PLK5: variants seen among roughly 807,000 people sequenced by gnomAD.
The protein encoded by PLK5 is inactive serine/threonine-protein kinase PLK5.
Under a neutral mutation model 33.7 loss-of-function variants are expected in PLK5, and 28 were observed. The observed-to-expected ratio is 0.83, with a 90% CI of 0.62 to 1.14. The LOEUF (loss-of-function observed/expected upper bound fraction) is 1.14, where lower values mean the gene tolerates loss of function less well. Among genes scored for constraint, PLK5 ranks in the 50% most tolerant of loss-of-function variants. The pLI is 0.00. For synonymous variants in PLK5, 225 were observed against 202.2 expected, an observed-to-expected ratio of 1.11 and a Z score of -0.96; for missense variants, 492 against 461.5, an observed-to-expected ratio of 1.07 and a Z score of -0.61.
intron 13 of PLK5, among the ~76,000 whole-genome samples, chr19:1,534,795 T>C (rs1477834069): frequency 6.7e-6 from 1 of 148,284 alleles, no homozygotes; most frequent in Non-Finnish European, 1.5e-5. Context: ...CCAGCCTGGG[T>C]GACAGAGCAG....
intron 13 of PLK5, among the ~76,000 whole-genome samples, chr19:1,534,371 G>A (rs1254724002): frequency 1.3e-5 from 2 of 151,402 alleles, no homozygotes; most frequent in African/African-American, 4.9e-5. Flanking sequence ...GCTGGGCGTG[G>A]TGGAGCCTTC....
At position 1,528,860 on chromosome 19, in the gene PLK5, C is replaced by G. The variant is rs780725086; in HGVS notation, c.329-38C>G. 6 of 1,449,194 alleles carry G rather than the reference C, an allele frequency of 4.1e-6. No individual in the cohort carries two copies. In the Admixed American group the frequency reaches 7.7e-5, roughly 19 times the overall value. 89.8% of individuals were successfully genotyped at this position (1,449,194 alleles called of 1,614,324 possible). On this transcript the variant is annotated intron_variant, in intron 8 of 13. Transcript: ENST00000454744. ...GCCCCCCTACCCCCAGCTTGGGGCC[C>G]AGGCTGTGCCCCCTCCAAGGCCTTG... is the stretch of plus-strand genomic sequence containing the variant.
In PLK5 at chr19:1,526,073, C is replaced by T. The variant is rs115561334; in HGVS notation, c.-313+362C>T. 7.9e-3 allele frequency among the ~76,000 whole-genome samples: 1,210 copies of T among 152,314 alleles called. 16 individuals are homozygous for T. Among genetic ancestry groups the T allele is most frequent in the African/African-American group, 0.028 (1,153 of 41,564 alleles). On this transcript the variant is annotated intron_variant, in intron 3 of 13. Coordinates refer to ENST00000454744, the MANE Select transcript of PLK5 (RefSeq NM_001243079.2). ...CCCTGTGCCTACCTGTGGTCACCTGCGCCCCTCCTGCACCCTGCTGTGCCC... is the reference window on the plus strand; with the variant it reads ...CCCTGTGCCTACCTGTGGTCACCTGTGCCCCTCCTGCACCCTGCTGTGCCC...
intron 6 of PLK5, 54 bp downstream of exon 6, chr19:1,527,052 C>CGGGGGGGG: frequency 4.7e-6 from 4 of 842,662 alleles, no homozygotes; most frequent in Admixed American, 3.0e-5. Flanking sequence ...GCAGGTGTGG[C>CGGGGGGGG]GGGGGGGGAG....
intron 8 of PLK5, among the ~76,000 whole-genome samples, 183 bp from the exon 9 acceptor site, chr19:1,528,715 C>G: frequency 6.8e-6 from 1 of 146,054 alleles, no homozygotes; most frequent in South Asian, 2.2e-4. Context: ...CCACACCTGC[C>G]TACGCCTGCT....
intron 11 of PLK5, 131 bp downstream of exon 11, chr19:1,529,955 C>G (rs1412003183): frequency 3.2e-6 from 3 of 935,560 alleles, no homozygotes; most frequent in African/African-American, 1.7e-5. Flanking sequence ...CCCCAGGACA[C>G]GGTGACATCA....
chr19:1,531,837 G>C lies in PLK5; in HGVS notation c.668G>C (p.Gly223Ala). ...KYGFGYQLLD[G>A]GRTGRHPHGP... is the part of the protein sequence containing the mutation. Reference sequence around the variant, plus strand: ...GGCTTTGGCTACCAGCTCTTGGACGGGGGGCGCACGGGACGGCACCCACAT... The same window carrying C: ...GGCTTTGGCTACCAGCTCTTGGACGCGGGGCGCACGGGACGGCACCCACAT... The change falls in exon 12 of 14, where the codon GGG becomes GCG. Residue 223 changes from glycine (G) to alanine (A), a missense_variant. By Grantham distance (60) the Gly-to-Ala change is moderately conservative. Coordinates refer to ENST00000454744, the MANE Select transcript of PLK5 (RefSeq NM_001243079.2). The C allele has an allele frequency of 1.3e-6, 2 of 1,531,842 alleles. No individual in the cohort carries two copies. The highest frequency in any genetic ancestry group is 1.7e-6 in the Non-Finnish European group (2 of 1,144,808). The allele number at this position is 1,531,842 out of a possible 1,614,324, so 94.9% of individuals were successfully genotyped here.
chr19:1,535,343 G>T lies in PLK5; in HGVS notation c.*93G>T. The T allele has an allele frequency of 2.2e-6, 3 of 1,368,868 alleles. No individual in the cohort carries two copies. The highest frequency in any genetic ancestry group is 2.9e-6 in the Non-Finnish European group (3 of 1,026,430). 84.8% of individuals were successfully genotyped at this position (1,368,868 alleles called of 1,614,324 possible). On this transcript the variant is annotated 3_prime_UTR_variant, in exon 14 of 14. Transcript: ENST00000454744. Reference sequence around the variant, plus strand: ...GTGGCTCCCCCAGAGGGGCTGTCCTGGGGGAGGGCTGGGGGGCACACGGGA... The same window carrying T: ...GTGGCTCCCCCAGAGGGGCTGTCCTTGGGGAGGGCTGGGGGGCACACGGGA...
At position 1,535,275 on chromosome 19, in the gene PLK5, C is replaced by G; in HGVS notation, c.*25C>G. 2 of 1,522,988 alleles carry G rather than the reference C, an allele frequency of 1.3e-6. No homozygotes were observed. The highest frequency in any genetic ancestry group is 1.2e-5 in the South Asian group (1 of 82,692). The allele number at this position is 1,522,988 out of a possible 1,614,324, so 94.3% of individuals were successfully genotyped here. A position where few individuals can be genotyped will look rare whatever the true frequency, so the allele number is the denominator to read the frequency against. ...GTGCCCCTGAGGGTCAGAGTGGACCCCTGCATGGTAGTGCCAGGGACCCAG... is the reference window on the plus strand; with the variant it reads ...GTGCCCCTGAGGGTCAGAGTGGACCGCTGCATGGTAGTGCCAGGGACCCAG... On this transcript the variant is annotated 3_prime_UTR_variant, in exon 14 of 14. Transcript: ENST00000454744.
chr19:1,532,524 T>TC lies in PLK5; in HGVS notation c.714+641_714+642insC, dbSNP rs60657854. Among the ~76,000 whole-genome samples, 301 of 112,954 alleles carry TC rather than the reference T, an allele frequency of 2.7e-3. 2 individuals carry two copies. Among genetic ancestry groups the TC allele is most frequent in the African/African-American group, 0.02 (287 of 14,252 alleles). The allele number at this position is 112,954 out of a possible 152,430, so 74.1% of individuals were successfully genotyped here. A position where few individuals can be genotyped will look rare whatever the true frequency, so the allele number is the denominator to read the frequency against. On this transcript the variant is annotated intron_variant, in intron 12 of 13. Transcript: ENST00000454744. ...CCTTTCTCTACAAAATTTTCTTCTTTTTTTTTTTTTTTTTTTGAGATGGAG... is the reference window on the plus strand; with the variant it reads ...CCTTTCTCTACAAAATTTTCTTCTTTCTTTTTTTTTTTTTTTTGAGATGGAG...
Position 1,528,356 on chromosome 19 carries a change from G to T in PLK5, c.256G>T (p.Ala86Ser), listed in dbSNP as rs993986136. The T allele has an allele frequency of 6.0e-5, 92 of 1,534,532 alleles. No individual in the cohort carries two copies. Among genetic ancestry groups the T allele is most frequent in the Non-Finnish European group, 7.5e-5 (86 of 1,146,492 alleles). ...CTCCTGCCACAGTCCCCCCATCTTCGCCATACCCCCGCCTCTGGGCAGGAT... is the reference window on the plus strand; with the variant it reads ...CTCCTGCCACAGTCCCCCCATCTTCTCCATACCCCCGCCTCTGGGCAGGAT... The part of the protein sequence containing the change: ...AHSCHSPPIF[A>S]IPPPLGRIFR... The change falls in exon 8 of 14, where the codon GCC becomes TCC. Residue 86 changes from alanine (A) to serine (S), a missense_variant. Ala to Ser is a moderately conservative substitution (Grantham distance 99, BLOSUM62 1). Coordinates refer to ENST00000454744, the MANE Select transcript of PLK5 (RefSeq NM_001243079.2).
At chr19:1,532,735 G>A (rs918986778) in intron 12 of PLK5, among the ~76,000 whole-genome samples, 7 of 151,128 alleles carry the variant, frequency 4.6e-5, no homozygotes, top group African/African-American at 1.5e-4. Context: ...TTGGCCAGGC[G>A]GGTCTCGAAC....
intron 3 of PLK5, among the ~76,000 whole-genome samples, chr19:1,526,108 G>T (rs556551125): frequency 2.0e-5 from 3 of 152,140 alleles, no homozygotes; most frequent in African/African-American, 7.2e-5. Flanking sequence ...CACCGTGGCC[G>T]TGAACTCACT....
In PLK5 at chr19:1,534,043, T is replaced by C. The variant is rs10853954; in HGVS notation, c.825+2T>C. On this transcript the variant is annotated splice_donor_variant, in intron 13 of 13. Transcript: ENST00000454744. LOFTEE classifies it high-confidence loss of function. ...CTGTTCAGCAATGGGATGGTGCAGG[T>C]GAGCCCGGGGCTCAAACTCGGGGCA... 353,690 of 1,533,430 alleles carry C rather than the reference T, an allele frequency of 0.23. 49,039 individuals carry two copies. The highest frequency in any genetic ancestry group is 0.67 in the East Asian group (27,485 of 40,858). 95.0% of individuals were successfully genotyped at this position (1,533,430 alleles called of 1,614,324 possible).
chr19:1,527,819 A>C, intron 6 of PLK5, 117 bp from the exon 7 acceptor site: 2 of 1,043,148 alleles, frequency 1.9e-6, no homozygotes, highest in African/African-American at 1.6e-5. Context: ...ATGTTGGGAG[A>C]TGAGGAAGCC....
chr19:1,529,287 A>G lies in PLK5; in HGVS notation c.406-119A>G, dbSNP rs112586082. 4.6e-4 allele frequency: 401 copies of G among 867,252 alleles called. 4 individuals are homozygous for G. The African/African-American group carries it at 5.6e-3, about 12-fold the overall frequency. 53.7% of individuals were successfully genotyped at this position (867,252 alleles called of 1,614,324 possible). On this transcript the variant is annotated intron_variant, in intron 9 of 13. Coordinates refer to ENST00000454744, the MANE Select transcript of PLK5 (RefSeq NM_001243079.2). The stretch of plus-strand genomic sequence containing the variant: ...CGAGGCTGCCTCCCAAGGGGAAAGC[A>G]GTGCCTCTGTGTGCAGAGCACGGAG...
chr19:1,531,772 C>T lies in PLK5; in HGVS notation c.603C>T (p.Ile201=). The T allele has an allele frequency of 6.5e-7, 1 of 1,536,110 alleles. No individual in the cohort carries two copies. The highest frequency in any genetic ancestry group is 8.7e-7 in the Non-Finnish European group (1 of 1,146,844). ...TQDPLGEQQP[I]LWAPKWVDYS... ...ACCCCCTGGGAGAGCAGCAGCCCAT[C>T]CTCTGGGCCCCCAAATGGGTGGATT... Residue 201 remains isoleucine, a synonymous_variant, in exon 12 of 14, where the codon ATC becomes ATT. Transcript: ENST00000454744.
At position 1,526,802 on chromosome 19, in the gene PLK5, G is replaced by A; in HGVS notation, c.-95+11G>A. On this transcript the variant is annotated intron_variant, in intron 5 of 13. Transcript: ENST00000454744. ...GGGCCGCTGCCACAGGTGAGAGCCG[G>A]GGGGAGGGCTCTGAGCAGTCCGTCC... The A allele has an allele frequency of 1.5e-6, 1 of 669,346 alleles. No homozygotes were observed. The highest frequency in any genetic ancestry group is 2.6e-6 in the Non-Finnish European group (1 of 389,016). 41.5% of individuals were successfully genotyped at this position (669,346 alleles called of 1,614,324 possible). A position where few individuals can be genotyped will look rare whatever the true frequency, so the allele number is the denominator to read the frequency against.
intron 2 of PLK5, 75 bp from the exon 3 acceptor site, chr19:1,525,520 C>A (rs751386068): frequency 6.5e-6 from 1 of 152,672 alleles, no homozygotes; most frequent in South Asian, 2.1e-4. Flanking sequence ...GCCATGAGAT[C>A]GTACAGGAGG....
Sources: gnomAD v4.1 joint callset for allele counts (sites outside exome capture counted in the v4.1 genomes callset) on GRCh38, gnomAD v4.1.1 for gene constraint, MANE v1.5 for transcripts, NCBI Gene and HGNC (gene_info 2026-07-23, HGNC 2026-07-21) for gene names.